DGKH: variants seen among roughly 807,000 people sequenced by gnomAD.
The protein encoded by DGKH is DAG kinase eta.
DGKH carries 90 observed loss-of-function variants against 159.3 expected under a neutral mutation model. That is an observed-to-expected ratio of 0.57 (90% CI 0.48 to 0.67). The LOEUF is 0.67. Among genes scored for constraint, DGKH ranks in the 30% least tolerant of loss-of-function variants. The probability of loss-of-function intolerance (pLI) is 0.00; values close to 1 mark genes in which losing one functional copy is unlikely to be tolerated. For missense variants in DGKH, 1,181 were observed against 1,506.1 expected (o/e 0.78, Z 3.57); for synonymous variants, 536 against 553.8 (o/e 0.97, Z 0.45).
chr13:42,090,547 A>T (rs1322219296), intron 1 of DGKH, among the ~76,000 whole-genome samples: 4 of 152,240 alleles, frequency 2.6e-5, no homozygotes, highest in Non-Finnish European at 5.9e-5. Flanking sequence ...AAAGACAGAC[A>T]TATAGACGAG....
At position 42,221,046 on chromosome 13, in the gene DGKH, C is replaced by T. The variant is rs571152438; in HGVS notation, c.3443-218C>T. ...TGGACTAAAGCTAAGCATGGGTGCA[C>T]GGCAGCAAATGGTTTTGTATAGTCG... is the stretch of plus-strand genomic sequence containing the variant. On this transcript the variant is annotated intron_variant, in intron 28 of 29. Transcript: ENST00000337343. The T allele has an allele frequency of 1.1e-4, 53 of 469,538 alleles. 1 individual carries two copies. The South Asian group carries it at 1.2e-3, about 11-fold the overall frequency. 29.1% of individuals were successfully genotyped at this position (469,538 alleles called of 1,614,324 possible). A position where few individuals can be genotyped will look rare whatever the true frequency, so the allele number is the denominator to read the frequency against.
At chr13:42,203,970 T>C (rs1005693441) in intron 20 of DGKH, among the ~76,000 whole-genome samples, 12 of 152,240 alleles carry the variant, frequency 7.9e-5, no homozygotes, top group African/African-American at 2.9e-4. Flanking sequence ...GTTGAATCTG[T>C]ATTCCTCGTA....
intron 13 of DGKH, among the ~76,000 whole-genome samples, chr13:42,182,554 A>G (rs1398707560): frequency 6.6e-6 from 1 of 152,240 alleles, no homozygotes; most frequent in East Asian, 1.9e-4. Flanking sequence ...ATTTATAATA[A>G]CAAATGTATT....
At chr13:42,071,136 C>G (rs1882939958) in intron 1 of DGKH, 1 of 693,724 alleles carries the variant, frequency 1.4e-6, no homozygotes, top group Admixed American at 2.9e-5. Context: ...AATTGTTGAA[C>G]TTGTGTAAAC....
At chr13:42,246,980 C>A (rs1330874923), downstream of DGKH, among the ~76,000 whole-genome samples, 3 of 152,078 alleles carry the variant, frequency 2.0e-5, no homozygotes, top group Non-Finnish European at 4.4e-5. Context: ...TATGACCACA[C>A]AGATATCCGT....
chr13:42,112,038 A>G (rs1348267574), intron 1 of DGKH, among the ~76,000 whole-genome samples: 1 of 152,228 alleles, frequency 6.6e-6, no homozygotes, highest in East Asian at 1.9e-4. Flanking sequence ...AGCACACATT[A>G]CACTGTGGCC....
intron 30 of DGKH, chr13:42,255,953 C>T: frequency 6.2e-7 from 1 of 1,607,746 alleles, no homozygotes; most frequent in East Asian, 2.2e-5. Context: ...TCTGGCTGCT[C>T]ATGACGCTCT....
chr13:42,244,963 AG>A (rs1451404622), downstream of DGKH, among the ~76,000 whole-genome samples: 2 of 146,178 alleles, frequency 1.4e-5, no homozygotes, highest in African/African-American at 2.5e-5. Context: ...TATCACCTTC[AG>A]GGGAAAGTGG....
At position 42,159,957 on chromosome 13, in the gene DGKH, T is replaced by C. The variant is rs941262242; in HGVS notation, c.730-54T>C. On this transcript the variant is annotated intron_variant, in intron 6 of 29. Transcript: ENST00000337343. ...AAATGATTCAAAATCTCCCCTGGGG[T>C]AAGGTTGGTGTCCGCCAGTCTTCAC... 2.3e-5 allele frequency: 37 copies of C among 1,613,092 alleles called. No individual in the cohort carries two copies. In the Admixed American group the frequency reaches 6.0e-4, roughly 26 times the overall value.
At chr13:42,198,866 T>C (rs923405302) in intron 18 of DGKH, among the ~76,000 whole-genome samples, 1 of 152,194 alleles carries the variant, frequency 6.6e-6, no homozygotes, top group Non-Finnish European at 1.5e-5. Context: ...TAAATAGAAC[T>C]GATGCTATTC....
rs1400192916 is a variant in DGKH at position 42,156,106 on chromosome 13, CTT to C, written c.622+309_622+310del. 1.1e-4 allele frequency among the ~76,000 whole-genome samples: 17 copies of C among 152,090 alleles called. 1 individual carries two copies. Among genetic ancestry groups the C allele is most frequent in the African/African-American group, 4.1e-4 (17 of 41,410 alleles). ...ACTTTTTGTGAGGACAGTATATACT[CTT>C]TGGCAGAATTTCTGATTGTTAATTA... is the stretch of plus-strand genomic sequence containing the variant. On this transcript the variant is annotated intron_variant, in intron 5 of 29. Coordinates refer to ENST00000337343, the MANE Select transcript of DGKH (RefSeq NM_178009.5).
intron 16 of DGKH, among the ~76,000 whole-genome samples, chr13:42,194,240 C>T (rs914447875): frequency 3.9e-5 from 6 of 152,112 alleles, no homozygotes; most frequent in Admixed American, 1.3e-4. Context: ...CCTGGGCTCA[C>T]GTGATCCTCC....
chr13:42,170,354 A>G (rs942055078), intron 11 of DGKH, among the ~76,000 whole-genome samples: 1 of 152,120 alleles, frequency 6.6e-6, no homozygotes, highest in South Asian at 2.1e-4. Context: ...TGGAGGTGGC[A>G]GTGAGCCACA....
chr13:42,253,619 G>A (rs1345227398), intron 30 of DGKH, among the ~76,000 whole-genome samples: 3 of 152,204 alleles, frequency 2.0e-5, no homozygotes, highest in African/African-American at 7.2e-5. Flanking sequence ...CCCACTTAGA[G>A]TTGGTACTAG....
intron 1 of DGKH, among the ~76,000 whole-genome samples, chr13:42,093,430 A>G (rs1444210201): frequency 6.6e-6 from 1 of 152,174 alleles, no homozygotes; most frequent in South Asian, 2.1e-4. Flanking sequence ...TTGTGTAGCC[A>G]TGGTGGAAAA....
At chr13:42,243,591 CA>C (rs1958552057), downstream of DGKH, among the ~76,000 whole-genome samples, 1 of 151,846 alleles carries the variant, frequency 6.6e-6, no homozygotes, top group Non-Finnish European at 1.5e-5. Flanking sequence ...AATATGCCAC[CA>C]AGTTTAGGGG....
intron 3 of DGKH, among the ~76,000 whole-genome samples, chr13:42,134,410 GT>G (rs1312336327): frequency 3.3e-5 from 5 of 152,058 alleles, no homozygotes; most frequent in African/African-American, 1.2e-4. Context: ...TAATAACTTT[GT>G]TTTTTCAGTT....
chr13:42,135,760 A>G (rs1955391451), intron 3 of DGKH, among the ~76,000 whole-genome samples: 1 of 152,146 alleles, frequency 6.6e-6, no homozygotes. Context: ...TTTTGGTCAC[A>G]CTGATGCCAC....
intron 30 of DGKH, among the ~76,000 whole-genome samples, chr13:42,254,083 C>G (rs544755106): frequency 3.3e-5 from 5 of 151,744 alleles, no homozygotes; most frequent in Non-Finnish European, 5.9e-5. Context: ...ATTGGTGTAG[C>G]ATTTTGGGGA....
Sources: gnomAD v4.1 joint callset for allele counts (sites outside exome capture counted in the v4.1 genomes callset) on GRCh38, gnomAD v4.1.1 for gene constraint, MANE v1.5 for transcripts, NCBI Gene and HGNC (gene_info 2026-07-23, HGNC 2026-07-21) for gene names.